The following KMT2C variants were observed in gnomAD, a reference collection of about 807,000 sequenced individuals.
The protein encoded by KMT2C is lysine methyltransferase 2C.
In KMT2C, 88 loss-of-function variants were observed where a neutral mutation model predicts 507.9. That is an observed-to-expected ratio of 0.17 (90% CI 0.15 to 0.21). The LOEUF (loss-of-function observed/expected upper bound fraction) is 0.21, where lower values mean the gene tolerates loss of function less well. Among genes scored for constraint, KMT2C ranks in the 10% least tolerant of loss-of-function variants. The pLI is 1.00. For missense variants in KMT2C, 4,954 were observed against 5,957.8 expected, an observed-to-expected ratio of 0.83 and a Z score of 5.55; for synonymous variants, 2,049 against 2,080.8, an observed-to-expected ratio of 0.98 and a Z score of 0.42.
chr7:152,357,319 T>C (rs573302266), intron 2 of KMT2C, among the ~76,000 whole-genome samples: 1 of 152,118 alleles, frequency 6.6e-6, no homozygotes, highest in South Asian at 2.1e-4. Flanking sequence ...GGTCAGGAGA[T>C]TGAGACCATC....
At chr7:152,359,659 G>A (rs1554675651) in intron 1 of KMT2C, among the ~76,000 whole-genome samples, 1 of 149,408 alleles carries the variant, frequency 6.7e-6, no homozygotes, top group Non-Finnish European at 1.5e-5. Flanking sequence ...AGTAATTCCA[G>A]CTAAAGAAAA....
chr7:152,426,692 T>C (rs540762966), intron 1 of KMT2C, among the ~76,000 whole-genome samples: 1 of 152,306 alleles, frequency 6.6e-6, no homozygotes, highest in South Asian at 2.1e-4. Context: ...TAGGACTTAG[T>C]CTATGCCAGA....
intron 1 of KMT2C, among the ~76,000 whole-genome samples, chr7:152,408,569 C>T (rs2097647125): frequency 6.6e-6 from 1 of 152,196 alleles, no homozygotes; most frequent in Admixed American, 6.6e-5. Flanking sequence ...TCAGCAGCGG[C>T]ATTAGATTCT....
rs199843561 is a variant in KMT2C, at chr7:152,415,592, C to CA, written c.161+20033dup. On this transcript the variant is annotated intron_variant, in intron 1 of 58. Coordinates refer to ENST00000262189, the MANE Select transcript of KMT2C (RefSeq NM_170606.3). Reference sequence around the variant, plus strand: ...CGCAAGAAATACAAGTAATAAAATTCAAAAAAAGGCTGACGCGGTGGCTCA... The same window carrying CA: ...CGCAAGAAATACAAGTAATAAAATTCAAAAAAAAGGCTGACGCGGTGGCTCA... 2.0e-5 allele frequency among the ~76,000 whole-genome samples: 3 copies of CA among 152,044 alleles called. No individual in the cohort carries two copies. In the East Asian group the frequency reaches 5.8e-4, roughly 29 times the overall value.
intron 31 of KMT2C, among the ~76,000 whole-genome samples, chr7:152,193,003 C>T (rs1366077367): frequency 6.6e-6 from 1 of 152,010 alleles, no homozygotes; most frequent in African/African-American, 2.4e-5. Context: ...GTGAGACCCC[C>T]ACCTCTGCAA....
At chr7:152,252,784 C>T in intron 9 of KMT2C, 69 bp from the exon 10 acceptor site, 3 of 1,154,316 alleles carry the variant, frequency 2.6e-6, no homozygotes, top group South Asian at 3.1e-5. Context: ...CTGATGTAAA[C>T]CTTTAAAAAG....
intron 7 of KMT2C, among the ~76,000 whole-genome samples, chr7:152,270,288 G>A (rs2095938543): frequency 6.6e-6 from 1 of 152,170 alleles, no homozygotes; most frequent in Non-Finnish European, 1.5e-5. Context: ...AGGACTTAAT[G>A]TCAAGAAATA....
At chr7:152,189,957 C>T (rs769416889) in intron 31 of KMT2C, among the ~76,000 whole-genome samples, 4 of 152,182 alleles carry the variant, frequency 2.6e-5, no homozygotes, top group Non-Finnish European at 4.4e-5. Context: ...AGGTGAACAG[C>T]GGGCAAGTGA....
Position 152,177,276 on chromosome 7 carries a change from T to C in KMT2C, c.8177A>G (p.Asp2726Gly), listed in dbSNP as rs2093247701. The part of the protein sequence containing the change: ...DLENLNLDTE[D>G]GKVVELDTLD... ...AGTATCCAATTCAACTACCTTGCCATCCTCTGTATCTAAATTTAAGTTTTC... is the reference window on the plus strand; with the variant it reads ...AGTATCCAATTCAACTACCTTGCCACCCTCTGTATCTAAATTTAAGTTTTC... Residue 2726 changes from aspartate (D) to glycine (G), a missense_variant, in exon 38 of 59, where the codon GAT becomes GGT. Transcript: ENST00000262189. The C allele has an allele frequency of 3.1e-6, 5 of 1,613,886 alleles. No homozygotes were observed. Among genetic ancestry groups the C allele is most frequent in the Non-Finnish European group, 3.4e-6 (4 of 1,180,038 alleles).
At chr7:152,301,235 T>C (rs1479749798) in intron 6 of KMT2C, among the ~76,000 whole-genome samples, 1 of 149,008 alleles carries the variant, frequency 6.7e-6, no homozygotes, top group Admixed American at 6.7e-5. Flanking sequence ...CCGGGTGTGA[T>C]GGATCACACC....
chr7:152,376,288 T>A (rs2097328393), intron 1 of KMT2C, among the ~76,000 whole-genome samples: 1 of 152,180 alleles, frequency 6.6e-6, no homozygotes, highest in Non-Finnish European at 1.5e-5. Flanking sequence ...TAGTTAACCC[T>A]AATCCTACAA....
At chr7:152,151,344 A>C in intron 50 of KMT2C, 98 bp downstream of exon 50, 2 of 1,290,472 alleles carry the variant, frequency 1.5e-6, no homozygotes, top group Non-Finnish European at 2.2e-6. Flanking sequence ...CCATCACACC[A>C]CCATAAGTGG....
At chr7:152,335,915 T>TG (rs902627013) in intron 2 of KMT2C, among the ~76,000 whole-genome samples, 94 of 146,404 alleles carry the variant, frequency 6.4e-4, no homozygotes, top group Non-Finnish European at 1.1e-3. Flanking sequence ...AGGGTTTTTT[T>TG]GTTTTTTTTT....
chr7:152,385,461 A>C (rs2097416623), intron 1 of KMT2C, among the ~76,000 whole-genome samples: 1 of 131,954 alleles, frequency 7.6e-6, no homozygotes, highest in Non-Finnish European at 1.5e-5. Context: ...AAATACAAAA[A>C]ATTAGCCGGG....
chr7:152,289,167 G>GT (rs1259496832), intron 6 of KMT2C, among the ~76,000 whole-genome samples: 1 of 152,208 alleles, frequency 6.6e-6, no homozygotes, highest in Admixed American at 6.5e-5. Context: ...TCAAAATAAT[G>GT]TTTAACAATT....
chr7:152,205,323 T>C (rs1414265887), intron 24 of KMT2C, 98 bp from the exon 25 acceptor site: 1 of 883,776 alleles, frequency 1.1e-6, no homozygotes, highest in African/African-American at 1.8e-5. Context: ...AGTAAGTCAT[T>C]TTCCAAAATT....
intron 1 of KMT2C, among the ~76,000 whole-genome samples, chr7:152,401,457 G>A (rs112086236): frequency 6.6e-6 from 1 of 151,472 alleles, no homozygotes; most frequent in Non-Finnish European, 1.5e-5. Flanking sequence ...TTGAGAGGCC[G>A]AGGCAAGTGG....
chr7:152,358,923 T>C (rs2097173632), intron 1 of KMT2C, among the ~76,000 whole-genome samples: 1 of 152,174 alleles, frequency 6.6e-6, no homozygotes, highest in African/African-American at 2.4e-5. Context: ...TCCTCATAAT[T>C]CACTTAAGTA....
rs370369106 is a variant in KMT2C at position 152,221,206 on chromosome 7, G to A, written c.3500-471C>T. Reference sequence around the variant, plus strand: ...CGGGAGGCAGAGGTTGCAGTGAGCCGAGATCGTGCCACTGCACTCCAGCCT... The same window carrying A: ...CGGGAGGCAGAGGTTGCAGTGAGCCAAGATCGTGCCACTGCACTCCAGCCT... On this transcript the variant is annotated intron_variant, in intron 22 of 58. Transcript: ENST00000262189. Among the ~76,000 whole-genome samples the A allele has an allele frequency of 3.3e-4, 50 of 152,290 alleles. No individual in the cohort carries two copies. The South Asian group carries it at 8.5e-3, about 26-fold the overall frequency.
Sources: allele counts gnomAD v4.1 joint callset (sites outside exome capture counted in the v4.1 genomes callset), GRCh38; gene constraint gnomAD v4.1.1; transcripts MANE v1.5; gene names NCBI Gene and HGNC (gene_info 2026-07-23, HGNC 2026-07-21).